Variants in RORB observed in about 807,000 individuals in gnomAD.
RORB encodes the protein RAR related orphan receptor B.
In RORB, 6 loss-of-function variants were observed where a neutral mutation model predicts 59.1. That is an observed-to-expected ratio of 0.10 (90% CI 0.06 to 0.20). The LOEUF (loss-of-function observed/expected upper bound fraction) is 0.20. RORB is among the 10% of genes least tolerant of loss of function. The pLI, the probability that RORB is intolerant of heterozygous loss-of-function variation, is 1.00. For synonymous variants in RORB, 215 were observed against 204.5 expected (o/e 1.05, Z -0.44); for missense variants, 320 against 560.5 (o/e 0.57, Z 4.33).
chr9:74,591,163 C>T (rs1277998629), intron 1 of RORB, among the ~76,000 whole-genome samples: 1 of 152,134 alleles, frequency 6.6e-6, no homozygotes, highest in Admixed American at 6.5e-5. Context: ...GATGAAGATC[C>T]CTTCTTCCAA....
intron 6 of RORB, among the ~76,000 whole-genome samples, chr9:74,664,718 A>G (rs1824240330): frequency 6.6e-6 from 1 of 152,244 alleles, no homozygotes; most frequent in Admixed American, 6.5e-5. Context: ...GAAATAAAAC[A>G]GAGACATAAA....
At chr9:74,620,430 T>C (rs993792424) in intron 1 of RORB, among the ~76,000 whole-genome samples, 4 of 152,176 alleles carry the variant, frequency 2.6e-5, no homozygotes, top group Non-Finnish European at 5.9e-5. Flanking sequence ...GATTCTTCTC[T>C]CTTTTCTTCT....
At chr9:74,609,282 T>C (rs531597751) in intron 1 of RORB, among the ~76,000 whole-genome samples, 2 of 152,312 alleles carry the variant, frequency 1.3e-5, no homozygotes, top group Admixed American at 1.3e-4. Flanking sequence ...ACTGCATAGC[T>C]AGAGAAGTGT....
At chr9:74,572,351 T>C (rs900141571) in intron 1 of RORB, among the ~76,000 whole-genome samples, 1 of 152,170 alleles carries the variant, frequency 6.6e-6, no homozygotes, top group African/African-American at 2.4e-5. Flanking sequence ...TATTTGACTA[T>C]GAACATGTCC....
In RORB at chr9:74,690,996, G is replaced by A. The variant is rs1043361014; in HGVS notation, c.*5378G>A. ...GACAAGTTTTTATTTTCCCTTAGTT[G>A]TATGTGAAGAATTTATTCTATAGTC... On this transcript the variant is annotated 3_prime_UTR_variant, in exon 10 of 10. Coordinates refer to ENST00000376896, the MANE Select transcript of RORB (RefSeq NM_006914.4). The A allele has an allele frequency of 1.3e-5, 2 of 152,110 alleles. No individual in the cohort carries two copies. Among genetic ancestry groups the A allele is most frequent in the Non-Finnish European group, 2.9e-5 (2 of 68,032 alleles). 9.4% of individuals were successfully genotyped at this position (152,110 alleles called of 1,614,324 possible).
At chr9:74,547,198 T>C (rs1181418292) in intron 1 of RORB, among the ~76,000 whole-genome samples, 1 of 152,082 alleles carries the variant, frequency 6.6e-6, no homozygotes, top group Non-Finnish European at 1.5e-5. Flanking sequence ...AGAAAATATG[T>C]ATGAGAGAGA....
At chr9:74,528,777 A>G (rs975005605) in intron 1 of RORB, among the ~76,000 whole-genome samples, 1 of 152,014 alleles carries the variant, frequency 6.6e-6, no homozygotes, top group Non-Finnish European at 1.5e-5. Flanking sequence ...TTGCACAGAC[A>G]AGAAGACTGA....
At chr9:74,620,374 G>C (rs2118383712) in intron 1 of RORB, among the ~76,000 whole-genome samples, 2 of 152,182 alleles carry the variant, frequency 1.3e-5, no homozygotes, top group South Asian at 4.2e-4. Context: ...CATTTCTGTG[G>C]GATCGGTGGT....
chr9:74,605,935 G>C (rs1370416333), intron 1 of RORB, among the ~76,000 whole-genome samples: 1 of 152,088 alleles, frequency 6.6e-6, no homozygotes, highest in Non-Finnish European at 1.5e-5. Flanking sequence ...ACTCGAGGTG[G>C]GTCAGGGAAT....
intron 1 of RORB, among the ~76,000 whole-genome samples, chr9:74,586,595 A>G (rs1822802845): frequency 3.2e-5 from 2 of 61,704 alleles, no homozygotes; most frequent in Admixed American, 3.6e-4. Flanking sequence ...TACATATGTA[A>G]TGTCCGTGTG....
chr9:74,654,860 G>T (rs1037821988), intron 4 of RORB, among the ~76,000 whole-genome samples: 24 of 152,152 alleles, frequency 1.6e-4, no homozygotes, highest in Non-Finnish European at 3.1e-4. Flanking sequence ...AGTTTTATGT[G>T]TTTATACATG....
Position 74,585,178 on chromosome 9 carries a change from G to A in RORB, c.8-45104G>A, listed in dbSNP as rs543698218. On this transcript the variant is annotated intron_variant, in intron 1 of 9. Coordinates refer to ENST00000376896, the MANE Select transcript of RORB (RefSeq NM_006914.4). ...AATGTGATGTTTTACTGAGTGCATCGATAGCATTTTATAATTGTTAATCCT... is the reference window on the plus strand; with the variant it reads ...AATGTGATGTTTTACTGAGTGCATCAATAGCATTTTATAATTGTTAATCCT... 3.3e-5 allele frequency among the ~76,000 whole-genome samples: 5 copies of A among 152,250 alleles called. No individual in the cohort carries two copies. The East Asian group carries it at 5.8e-4, about 18-fold the overall frequency.
At chr9:74,498,487 C>T (rs1011970409) in intron 1 of RORB, 5 of 154,232 alleles carry the variant, frequency 3.2e-5, no homozygotes, top group African/African-American at 1.2e-4. Context: ...AGGCATGTCC[C>T]TTCGCTGGAG....
At chr9:74,639,016 T>A (rs1293407344) in intron 3 of RORB, among the ~76,000 whole-genome samples, 1 of 152,220 alleles carries the variant, frequency 6.6e-6, no homozygotes, top group South Asian at 2.1e-4. Flanking sequence ...TTTTTAGATG[T>A]TACCCATGGC....
chr9:74,674,697 A>T (rs778491331), intron 9 of RORB, among the ~76,000 whole-genome samples: 4 of 152,202 alleles, frequency 2.6e-5, no homozygotes, highest in Non-Finnish European at 5.9e-5. Context: ...TAACTAGAAG[A>T]TTTCAATTCC....
At position 74,685,567 on chromosome 9, in the gene RORB, T is replaced by C. The variant is rs1169033258; in HGVS notation, c.1329T>C (p.Pro443=). Residue 443 remains proline, a synonymous_variant, in exon 10 of 10, where the codon CCT becomes CCC. Transcript: ENST00000376896. ...CAGAGATAGTGAATACACTGTTTCC[T>C]CCGTTATACAAGGAGCTCTTTAATC... ...SHPEIVNTLF[P]PLYKELFNPD... The C allele has an allele frequency of 9.9e-6, 16 of 1,612,096 alleles. No individual in the cohort carries two copies. The highest frequency in any genetic ancestry group is 1.0e-5 in the Non-Finnish European group (12 of 1,178,604).
At chr9:74,549,617 GA>G (rs1826571847) in intron 1 of RORB, among the ~76,000 whole-genome samples, 1 of 110,662 alleles carries the variant, frequency 9.0e-6, no homozygotes, top group African/African-American at 3.2e-5. Context: ...AGAAAGGAAG[GA>G]AGGAAGGAAG....
chr9:74,544,031 A>T (rs1034176425), intron 1 of RORB, among the ~76,000 whole-genome samples: 4 of 152,164 alleles, frequency 2.6e-5, no homozygotes, highest in Non-Finnish European at 4.4e-5. Flanking sequence ...ATCTTTCAGG[A>T]TATTGTACCA....
intron 1 of RORB, among the ~76,000 whole-genome samples, chr9:74,602,125 G>C (rs985859203): frequency 1.3e-5 from 2 of 152,130 alleles, no homozygotes; most frequent in Admixed American, 6.5e-5. Flanking sequence ...ATTGTGCTTA[G>C]AGGAAACATC....
Sources: allele counts gnomAD v4.1 joint callset (sites outside exome capture counted in the v4.1 genomes callset), GRCh38; gene constraint gnomAD v4.1.1; transcripts MANE v1.5; gene names NCBI Gene and HGNC (gene_info 2026-07-23, HGNC 2026-07-21).